PFKFB3: variants seen among roughly 807,000 people sequenced by gnomAD.
The protein encoded by PFKFB3 is 6-phosphofructo-2-kinase/fructose-2,6-bisphosphatase 3.
PFKFB3 carries 33 observed loss-of-function variants against 68.0 expected under a neutral mutation model. The ratio of observed to expected loss-of-function variants is 0.49; its 90% CI spans 0.37 to 0.65. The LOEUF (loss-of-function observed/expected upper bound fraction) is 0.65, where lower values mean the gene tolerates loss of function less well. PFKFB3 is among the 30% of genes least tolerant of loss of function. PFKFB3 has a pLI of 0.00. For synonymous variants in PFKFB3, 315 were observed against 288.2 expected (o/e 1.09, Z -0.94); for missense variants, 586 against 712.2 (o/e 0.82, Z 2.02).
chr10:6,275,755 C>G, the PFKFB3 span, among the ~76,000 whole-genome samples: 339 of 152,298 alleles, frequency 2.2e-3, no homozygotes, highest in Non-Finnish European at 3.9e-3. The surrounding 1 kb of genome is among the most constrained non-coding windows in gnomAD (Gnocchi z 4.9). Context: ...GCTGGGATTA[C>G]AGGCATGGGC....
At chr10:6,249,178 T>TAAAAAAAAAAAA (rs71391803) in intron 14 of PFKFB3, among the ~76,000 whole-genome samples, 74 of 76,922 alleles carry the variant, frequency 9.6e-4, no homozygotes, top group African/African-American at 1.8e-3. Flanking sequence ...CCGTCTCAAT[T>TAAAAAAAAAAAA]AAAAAAAAAA....
chr10:6,163,506 GGGGAC>G (rs1317916391), intron 1 of PFKFB3, among the ~76,000 whole-genome samples: 3 of 152,260 alleles, frequency 2.0e-5, no homozygotes, highest in African/African-American at 4.8e-5. Context: ...GCGGGTAGGT[GGGGAC>G]CCAGCTGGGA....
the PFKFB3 span, among the ~76,000 whole-genome samples, chr10:6,322,506 A>G: frequency 1.3e-5 from 2 of 152,158 alleles, no homozygotes; most frequent in African/African-American, 4.8e-5. Flanking sequence ...CAATCACATT[A>G]TCTCACTTCC....
intron 1 of PFKFB3, among the ~76,000 whole-genome samples, chr10:6,146,853 T>C (rs1036504495): frequency 1.6e-4 from 24 of 152,246 alleles, no homozygotes; most frequent in Non-Finnish European, 5.9e-5. Context: ...GTTATTATCA[T>C]TGTTTAATCT....
chr10:6,166,821 C>CTTTTTTTTTTTTTTTTTTTTTTTTTT (rs144747290), intron 1 of PFKFB3, among the ~76,000 whole-genome samples: 2 of 95,274 alleles, frequency 2.1e-5, no homozygotes, highest in Non-Finnish European at 2.1e-5. Context: ...CCTTCTTCTT[C>CTTTTTTTTTTTTTTTTTTTTTTTTTT]TTTTTTTTTT....
intron 1 of PFKFB3, among the ~76,000 whole-genome samples, chr10:6,204,589 T>C (rs1843567012): frequency 6.6e-6 from 1 of 152,214 alleles, no homozygotes; most frequent in Non-Finnish European, 1.5e-5. Context: ...GGTTCTGGGG[T>C]AGCCCTCAGG....
downstream of PFKFB3, among the ~76,000 whole-genome samples, chr10:6,259,636 G>A (rs57146365): frequency 1.2e-3 from 128 of 107,786 alleles, 1 homozygote; most frequent in African/African-American, 4.3e-3. Flanking sequence ...CCATCCATCC[G>A]TCCATCCATC....
At chr10:6,251,017 A>G (rs1157961785) in intron 14 of PFKFB3, among the ~76,000 whole-genome samples, 1 of 152,112 alleles carries the variant, frequency 6.6e-6, no homozygotes, top group Non-Finnish European at 1.5e-5. Context: ...AATTGGTTTG[A>G]ATACTGCTTT....
intron 1 of PFKFB3, among the ~76,000 whole-genome samples, chr10:6,175,271 A>G (rs1390950571): frequency 1.3e-5 from 2 of 152,232 alleles, no homozygotes; most frequent in Non-Finnish European, 2.9e-5. Flanking sequence ...TGCATCTCTC[A>G]GTCTTGCTCC....
At chr10:6,161,204 G>T (rs1237714025) in intron 1 of PFKFB3, among the ~76,000 whole-genome samples, 1 of 152,136 alleles carries the variant, frequency 6.6e-6, no homozygotes, top group Non-Finnish European at 1.5e-5. Context: ...CCAAAGTGCT[G>T]GAATTACAGG....
chr10:6,239,862 T>A (rs1469245848), downstream of PFKFB3, among the ~76,000 whole-genome samples: 4 of 152,010 alleles, frequency 2.6e-5, no homozygotes, highest in African/African-American at 9.7e-5. Context: ...TTAGTAGAGA[T>A]GGGGTTTCAC....
rs899456328 is a variant in PFKFB3 at position 6,243,906 on chromosome 10, G to A, written c.1516-10272G>A. On this transcript the variant is annotated intron_variant, in intron 14 of 14. Coordinates refer to the PFKFB3 transcript ENST00000640683. ...TGCCCAGCTAATGTTTTTATTTTTTGTAGAGATAGGGCCTCACTATGTTGC... is the reference window on the plus strand; with the variant it reads ...TGCCCAGCTAATGTTTTTATTTTTTATAGAGATAGGGCCTCACTATGTTGC... Among the ~76,000 whole-genome samples, 6 of 152,032 alleles carry A rather than the reference G, an allele frequency of 3.9e-5. 1 individual carries two copies. Among genetic ancestry groups the A allele is most frequent in the African/African-American group, 1.4e-4 (6 of 41,386 alleles).
intron 1 of PFKFB3, among the ~76,000 whole-genome samples, chr10:6,151,839 TG>T (rs1841597906): frequency 6.6e-6 from 1 of 152,096 alleles, no homozygotes; most frequent in African/African-American, 2.4e-5. Flanking sequence ...TGGTCCTCAG[TG>T]CCACAGTGCT....
intron 14 of PFKFB3, among the ~76,000 whole-genome samples, chr10:6,242,484 G>A (rs979723544): frequency 2.6e-5 from 4 of 152,144 alleles, no homozygotes; most frequent in East Asian, 1.9e-4. Context: ...TCCTCACTTC[G>A]TTTTCCTCAT....
At chr10:6,146,360 G>T (rs1273201116) in intron 1 of PFKFB3, 1 of 1,534,902 alleles carries the variant, frequency 6.5e-7, no homozygotes, top group Admixed American at 2.0e-5. Flanking sequence ...TGACTCTCCT[G>T]TCCCGTTGGG....
chr10:6,216,699 A>G lies in PFKFB3; in HGVS notation c.367-7A>G, dbSNP rs372984911. On this transcript the variant is annotated splice_polypyrimidine_tract_variant and splice_region_variant and intron_variant, in intron 4 of 14. Transcript: ENST00000379775. ...TTTTCTTCCTGGCCCTTTGCTCTCC[A>G]TATCAGGTTTTCGATGCCACCAATA... is the stretch of plus-strand genomic sequence containing the variant. The G allele has an allele frequency of 3.1e-6, 5 of 1,599,746 alleles. No homozygotes were observed. The African/African-American group carries it at 6.7e-5, about 21-fold the overall frequency.
At chr10:6,276,666 G>A in the PFKFB3 span, among the ~76,000 whole-genome samples, 1 of 151,562 alleles carries the variant, frequency 6.6e-6, no homozygotes, top group South Asian at 2.1e-4. Context: ...AAAAAAAATT[G>A]ACATAATTAT....
At chr10:6,237,708 G>A (rs1196138278), downstream of PFKFB3, among the ~76,000 whole-genome samples, 1 of 152,124 alleles carries the variant, frequency 6.6e-6, no homozygotes, top group East Asian at 1.9e-4. Flanking sequence ...TGGGACTACA[G>A]GCATGTGCCA....
the PFKFB3 span, among the ~76,000 whole-genome samples, chr10:6,296,749 C>A: frequency 2.0e-5 from 3 of 152,164 alleles, no homozygotes; most frequent in African/African-American, 7.2e-5. Context: ...ATGTAATGAG[C>A]AGTGAGGATG....
Sources: allele counts gnomAD v4.1 joint callset (sites outside exome capture counted in the v4.1 genomes callset), GRCh38; gene constraint gnomAD v4.1.1; non-coding constraint Gnocchi (gnomAD v3.1); transcripts MANE v1.5; gene names NCBI Gene and HGNC (gene_info 2026-07-23, HGNC 2026-07-21).